NXPE2: variants seen among roughly 807,000 people sequenced by gnomAD.
NXPE2 encodes the protein neurexophilin and PC-esterase domain family member 2.
Under a neutral mutation model 34.4 loss-of-function variants are expected in NXPE2, and 34 were observed. The observed-to-expected ratio is 0.99, with a 90% confidence interval of 0.75 to 1.31. The LOEUF (loss-of-function observed/expected upper bound fraction) is 1.31. Among genes scored for constraint, NXPE2 ranks in the 40% most tolerant of loss-of-function variants. The probability of loss-of-function intolerance (pLI) is 0.00; values close to 1 mark genes in which losing one functional copy is unlikely to be tolerated. For synonymous variants in NXPE2, 235 were observed against 231.3 expected (o/e 1.02, Z -0.15); for missense variants, 649 against 672.5 (o/e 0.97, Z 0.39).
chr11:114,581,698 C>T, the NXPE2 span: 4 of 1,586,238 alleles, frequency 2.5e-6, no homozygotes, highest in Non-Finnish European at 2.6e-6. Flanking sequence ...GAACTAGGCA[C>T]CACCCACCAA....
chr11:114,489,475 G>C, the NXPE2 span, among the ~76,000 whole-genome samples: 2 of 152,086 alleles, frequency 1.3e-5, no homozygotes, highest in Non-Finnish European at 2.9e-5. Context: ...ACTGGCAAAC[G>C]GAATCCAGCA....
the NXPE2 span, among the ~76,000 whole-genome samples, chr11:114,475,414 T>G: frequency 5.9e-5 from 9 of 151,902 alleles, no homozygotes; most frequent in Non-Finnish European, 1.0e-4. Flanking sequence ...CACCTAATTT[T>G]TGTATTTTTA....
chr11:114,639,119 C>T, the NXPE2 span, among the ~76,000 whole-genome samples: 1 of 152,062 alleles, frequency 6.6e-6, no homozygotes, highest in East Asian at 1.9e-4. Flanking sequence ...GTGGGCTCCA[C>T]CCAGTTCGAG....
chr11:114,714,112 G>T, the NXPE2 span, among the ~76,000 whole-genome samples: 7 of 152,184 alleles, frequency 4.6e-5, no homozygotes. Flanking sequence ...TAGGAATTTT[G>T]CTGACTTACT....
chr11:114,578,691 G>A, the NXPE2 span, among the ~76,000 whole-genome samples: 127 of 152,324 alleles, frequency 8.3e-4, 1 homozygote, highest in Middle Eastern at 0.01. Context: ...TCTCAGTGAT[G>A]AGAGCCAGGA....
chr11:114,690,639 C>A (rs1211911237), intron 2 of NXPE2, among the ~76,000 whole-genome samples: 1 of 152,144 alleles, frequency 6.6e-6, no homozygotes, highest in Admixed American at 6.6e-5. Context: ...GCATGTCAAC[C>A]TTTCTAGCAA....
At chr11:114,812,224 A>AG in the NXPE2 span, among the ~76,000 whole-genome samples, 1 of 152,252 alleles carries the variant, frequency 6.6e-6, no homozygotes, top group South Asian at 2.1e-4. Context: ...CTGAGGACAA[A>AG]GGGGGATAGC....
the NXPE2 span, among the ~76,000 whole-genome samples, chr11:114,468,548 G>C: frequency 6.6e-6 from 1 of 152,154 alleles, no homozygotes; most frequent in Non-Finnish European, 1.5e-5. Flanking sequence ...CTTAACTGGA[G>C]GTGGTTTTGC....
the NXPE2 span, among the ~76,000 whole-genome samples, chr11:114,524,271 C>CA: frequency 0.6 from 91,119 of 152,040 alleles, 29,102 homozygotes; most frequent in African/African-American, 0.84. Context: ...GGTCTAGCCA[C>CA]AACTGGTTTC....
At chr11:114,646,532 C>T in the NXPE2 span, among the ~76,000 whole-genome samples, 1 of 151,716 alleles carries the variant, frequency 6.6e-6, no homozygotes, top group African/African-American at 2.4e-5. Flanking sequence ...TTTAAAAAAC[C>T]TGAATTATAA....
chr11:114,783,605 G>A, the NXPE2 span, among the ~76,000 whole-genome samples: 18 of 152,152 alleles, frequency 1.2e-4, no homozygotes, highest in Non-Finnish European at 1.3e-4. Context: ...AAGAAAGACT[G>A]TTTAGATTTT....
the NXPE2 span, among the ~76,000 whole-genome samples, chr11:114,471,844 C>T: frequency 0.24 from 36,090 of 152,024 alleles, 4,531 homozygotes; most frequent in East Asian, 0.37. Context: ...TGTAATGTTT[C>T]CTAGGGACTG....
At chr11:114,692,885 G>T (rs544739100) in intron 2 of NXPE2, among the ~76,000 whole-genome samples, 1 of 151,978 alleles carries the variant, frequency 6.6e-6, no homozygotes, top group East Asian at 1.9e-4. Context: ...TTGGCTCACC[G>T]CAACAACTAT....
chr11:114,802,140 G>A, the NXPE2 span, among the ~76,000 whole-genome samples: 1 of 152,164 alleles, frequency 6.6e-6, no homozygotes, highest in Non-Finnish European at 1.5e-5. Flanking sequence ...GGAATAAAAG[G>A]CAATTCATTA....
At chr11:114,634,318 T>C in the NXPE2 span, among the ~76,000 whole-genome samples, 1 of 152,118 alleles carries the variant, frequency 6.6e-6, no homozygotes, top group Non-Finnish European at 1.5e-5. Context: ...TTGTTTGTTA[T>C]TTTCTTGTAA....
At chr11:114,765,723 G>A in the NXPE2 span, among the ~76,000 whole-genome samples, 2 of 152,034 alleles carry the variant, frequency 1.3e-5, no homozygotes, top group Non-Finnish European at 2.9e-5. Flanking sequence ...TGATTTGGGG[G>A]GTTCTCCTCC....
the NXPE2 span, among the ~76,000 whole-genome samples, chr11:114,766,142 T>C: frequency 6.6e-6 from 1 of 152,202 alleles, no homozygotes; most frequent in Non-Finnish European, 1.5e-5. Context: ...ATTTCTAATA[T>C]TCCAAGGCTC....
chr11:114,483,073 T>C, the NXPE2 span, among the ~76,000 whole-genome samples: 3 of 152,206 alleles, frequency 2.0e-5, no homozygotes, highest in Non-Finnish European at 4.4e-5. Context: ...TCATTTTTCA[T>C]TTACTACTAC....
the NXPE2 span, among the ~76,000 whole-genome samples, chr11:114,608,187 T>C: frequency 2.0e-5 from 3 of 151,454 alleles, no homozygotes; most frequent in Non-Finnish European, 2.9e-5. Flanking sequence ...GCCTCGTGGG[T>C]AACCATGGTT....
Sources: gnomAD v4.1 joint callset for allele counts (sites outside exome capture counted in the v4.1 genomes callset) on GRCh38, gnomAD v4.1.1 for gene constraint, MANE v1.5 for transcripts, NCBI Gene and HGNC (gene_info 2026-07-23, HGNC 2026-07-21) for gene names.